PRPF4: variants seen among roughly 807,000 people sequenced by gnomAD.
The protein encoded by PRPF4 is U4/U6 small nuclear ribonucleoprotein Prp4.
Under a neutral mutation model 72.2 loss-of-function variants are expected in PRPF4, and 14 were observed. The ratio of observed to expected loss-of-function variants is 0.19; its 90% CI spans 0.13 to 0.30. The LOEUF (loss-of-function observed/expected upper bound fraction) is 0.30. Among genes scored for constraint, PRPF4 ranks in the 10% least tolerant of loss-of-function variants. PRPF4 has a pLI of 1.00. For synonymous variants in PRPF4, 225 were observed against 232.2 expected (o/e 0.97, Z 0.28); for missense variants, 478 against 653.9 (o/e 0.73, Z 2.93).
chr9:113,275,989 A>G (rs1051889233), intron 1 of PRPF4, among the ~76,000 whole-genome samples: 41 of 152,208 alleles, frequency 2.7e-4, no homozygotes, highest in Non-Finnish European at 3.5e-4. Context: ...CTACAGCCCC[A>G]AAGGGCAAGC....
intron 3 of PRPF4, among the ~76,000 whole-genome samples, 196 bp from the exon 4 acceptor site, chr9:113,282,450 C>T (rs937526779): frequency 3.4e-5 from 5 of 149,080 alleles, no homozygotes; most frequent in African/African-American, 1.2e-4. Context: ...CCACCCTGGG[C>T]AACAACAAGA....
intron 4 of PRPF4, 128 bp downstream of exon 4, chr9:113,282,861 C>A: frequency 4.0e-6 from 4 of 1,000,358 alleles, no homozygotes; most frequent in Non-Finnish European, 4.4e-6. Context: ...CTCTACCATT[C>A]AAGAAGAGTT....
At chr9:113,289,423 G>T (rs1283248975) in intron 10 of PRPF4, among the ~76,000 whole-genome samples, 1 of 152,128 alleles carries the variant, frequency 6.6e-6, no homozygotes, top group East Asian at 1.9e-4. Context: ...TTCCAAAGCG[G>T]TTACACCATT....
At chr9:113,278,494 G>A (rs746502384) in intron 2 of PRPF4, among the ~76,000 whole-genome samples, 7 of 152,170 alleles carry the variant, frequency 4.6e-5, no homozygotes, top group Non-Finnish European at 7.4e-5. Context: ...TTATAGTTGT[G>A]GAACTCTCAT....
chr9:113,286,770 G>A lies in PRPF4; in HGVS notation c.874G>A (p.Asp292Asn). 3 of 1,614,184 alleles carry A rather than the reference G, an allele frequency of 1.9e-6. No homozygotes were observed. In the South Asian group the frequency reaches 3.3e-5, roughly 18 times the overall value. Residue 292 changes from aspartate (D) to asparagine (N), a missense_variant, in exon 9 of 14, where the codon GAT becomes AAT. Asp to Asn is a conservative substitution (Grantham distance 23). Coordinates refer to ENST00000374198, the MANE Select transcript of PRPF4 (RefSeq NM_001244926.2). ...ATCCACTGTCTCCTTGGACCCAAAA[G>A]ATGTCAACCTGGCCTCTTGTGCGGC... ...PKSTVSLDPK[D>N]VNLASCAADG...
At chr9:113,288,968 C>A (rs1223004944) in intron 10 of PRPF4, among the ~76,000 whole-genome samples, 4 of 152,078 alleles carry the variant, frequency 2.6e-5, no homozygotes, top group Non-Finnish European at 5.9e-5. Flanking sequence ...AAACGCGTAC[C>A]ATTCCTGTGA....
At chr9:113,283,072 A>G in intron 4 of PRPF4, 60 bp from the exon 5 acceptor site, 1 of 1,604,246 alleles carries the variant, frequency 6.2e-7, no homozygotes, top group African/African-American at 1.3e-5. Flanking sequence ...GAGAAATGAC[A>G]GTTATAAGAG....
intron 3 of PRPF4, among the ~76,000 whole-genome samples, chr9:113,279,355 GTTTT>G (rs1372909663): frequency 2.2e-5 from 2 of 90,468 alleles, no homozygotes; most frequent in African/African-American, 6.0e-5. Context: ...GTTTTGTTTT[GTTTT>G]GTTTTGTTTT....
In PRPF4 at chr9:113,290,679, A is replaced by G. The variant is rs371645654; in HGVS notation, c.1146-21A>G. 3.2e-5 allele frequency: 51 copies of G among 1,614,018 alleles called. No homozygotes were observed. The Admixed American group carries it at 8.2e-4, about 26-fold the overall frequency. On this transcript the variant is annotated intron_variant, in intron 11 of 13. Coordinates refer to ENST00000374198, the MANE Select transcript of PRPF4 (RefSeq NM_001244926.2). ...ACAGAGAACTGGATTCAAAGTGTTC[A>G]TTTCTAAATTATTTTCTCAGGGGAC...
chr9:113,289,423 GTTACACCATT>G (rs1017653280), intron 10 of PRPF4, among the ~76,000 whole-genome samples: 3 of 152,128 alleles, frequency 2.0e-5, no homozygotes, highest in Admixed American at 6.5e-5. Context: ...TTCCAAAGCG[GTTACACCATT>G]TTACATTCCC....
rs1420671432 is a variant in PRPF4, at chr9:113,283,551, G to T, written c.654+69G>T. ...ATGTTTATTTGATTTTTCTACTTTG[G>T]CTCACCTCTGGGAAGGTAGAGGCAA... On this transcript the variant is annotated intron_variant, in intron 6 of 13. Coordinates refer to ENST00000374198, the MANE Select transcript of PRPF4 (RefSeq NM_001244926.2). 8 of 1,545,434 alleles carry T rather than the reference G, an allele frequency of 5.2e-6. No individual in the cohort carries two copies. The East Asian group carries it at 9.0e-5, about 17-fold the overall frequency.
chr9:113,282,548 C>CT (rs1471075159), intron 3 of PRPF4, 98 bp from the exon 4 acceptor site: 1 of 917,756 alleles, frequency 1.1e-6, no homozygotes, highest in African/African-American at 1.7e-5. Flanking sequence ...CTTAGGGGAA[C>CT]TTTAATAACA....
At chr9:113,276,444 G>C (rs907977853) in intron 1 of PRPF4, 104 bp from the exon 2 acceptor site, 1 of 1,279,502 alleles carries the variant, frequency 7.8e-7, no homozygotes, top group Admixed American at 1.8e-5. Context: ...TTCAATTACA[G>C]AGGAAACAGG....
intron 12 of PRPF4, 25 bp downstream of exon 12, chr9:113,290,832 G>A: frequency 6.2e-7 from 1 of 1,612,360 alleles, no homozygotes; most frequent in Non-Finnish European, 8.5e-7. Context: ...CTGAATGAGG[G>A]GCGAAAAAGG....
intron 2 of PRPF4, 80 bp downstream of exon 2, chr9:113,276,805 A>G: frequency 6.9e-7 from 1 of 1,448,274 alleles, no homozygotes; most frequent in Admixed American, 2.3e-5. Flanking sequence ...CAGTTTTATA[A>G]TGTCAAAAAA....
At chr9:113,283,350 A>C (rs1180047296) in intron 5 of PRPF4, 39 bp from the exon 6 acceptor site, 1 of 1,613,616 alleles carries the variant, frequency 6.2e-7, no homozygotes, top group Admixed American at 1.7e-5. Context: ...CCTTGTTTAC[A>C]ACCCTGTTGC....
chr9:113,286,877 T>G, intron 9 of PRPF4, 49 bp downstream of exon 9: 1 of 1,612,536 alleles, frequency 6.2e-7, no homozygotes, highest in Non-Finnish European at 8.5e-7. Context: ...AAAGTAGATG[T>G]TTGATTGGTT....
chr9:113,284,545 A>G (rs914817558), intron 7 of PRPF4, among the ~76,000 whole-genome samples, 156 bp downstream of exon 7: 5 of 152,184 alleles, frequency 3.3e-5, no homozygotes, highest in African/African-American at 1.2e-4. Flanking sequence ...TACCTGTTGT[A>G]TAATACAATG....
At position 113,291,461 on chromosome 9, in the gene PRPF4, C is replaced by G. The variant is rs377200114; in HGVS notation, c.1373-6C>G. 9.9e-6 allele frequency: 16 copies of G among 1,608,778 alleles called. No homozygotes were observed. Among genetic ancestry groups the G allele is most frequent in the South Asian group, 2.2e-5 (2 of 90,886 alleles). On this transcript the variant is annotated splice_polypyrimidine_tract_variant and splice_region_variant and intron_variant, in intron 13 of 13. Coordinates refer to ENST00000374198, the MANE Select transcript of PRPF4 (RefSeq NM_001244926.2). ...CTCAAGCAATTCCCCTTCTCTTCTC[C>G]TGTAGCTATCCATGGGAACTTCTTG...
Sources: gnomAD v4.1 joint callset for allele counts (sites outside exome capture counted in the v4.1 genomes callset) on GRCh38, gnomAD v4.1.1 for gene constraint, MANE v1.5 for transcripts, NCBI Gene and HGNC (gene_info 2026-07-23, HGNC 2026-07-21) for gene names.